The following RNPS1 variants were observed in gnomAD, a reference collection of about 807,000 sequenced individuals.
RNPS1 encodes RNA-binding protein with serine-rich domain 1.
For synonymous variants in RNPS1, 147 were observed against 150.0 expected (o/e 0.98, Z 0.15); for missense variants, 300 against 427.6 (o/e 0.70, Z 2.63).
At chr16:2,263,476 T>C (rs2093611821) in intron 3 of RNPS1, among the ~76,000 whole-genome samples, 189 bp from the exon 4 acceptor site, 1 of 152,168 alleles carries the variant, frequency 6.6e-6, no homozygotes, top group African/African-American at 2.4e-5. Context: ...GGTGTCACAT[T>C]GTGTGTGGGA....
intron 7 of RNPS1, among the ~76,000 whole-genome samples, chr16:2,254,893 C>G (rs1475441761): frequency 5.3e-5 from 8 of 151,932 alleles, no homozygotes; most frequent in African/African-American, 1.9e-4. Flanking sequence ...AGGCACCCAC[C>G]ACCACGCCCG....
At chr16:2,259,984 T>C (rs571311193) in intron 6 of RNPS1, among the ~76,000 whole-genome samples, 21 of 152,198 alleles carry the variant, frequency 1.4e-4, no homozygotes, top group Non-Finnish European at 2.4e-4. Context: ...TCTTTTTAAC[T>C]TTTTGCTTAA....
intron 1 of RNPS1, chr16:2,267,256 G>A (rs1011926168): frequency 2.0e-6 from 2 of 985,258 alleles, no homozygotes; most frequent in African/African-American, 3.5e-5. Flanking sequence ...AGAGAGAGGA[G>A]AGAACAATTA....
intron 6 of RNPS1, chr16:2,257,951 C>G (rs986212114): frequency 6.6e-6 from 1 of 152,274 alleles, no homozygotes; most frequent in South Asian, 2.1e-4. Flanking sequence ...CCAGCGGCCT[C>G]AGTCACAGCA....
chr16:2,260,089 G>A (rs1331201854), intron 6 of RNPS1, among the ~76,000 whole-genome samples: 3 of 140,246 alleles, frequency 2.1e-5, no homozygotes, highest in Non-Finnish European at 4.6e-5. Context: ...GAGCATATTT[G>A]TTTCTCTCTA....
At chr16:2,257,765 G>A (rs948726831) in intron 6 of RNPS1, 1 of 152,212 alleles carries the variant, frequency 6.6e-6, no homozygotes, top group Non-Finnish European at 1.5e-5. Flanking sequence ...AGAAAAGTTA[G>A]CCAAATATCA....
rs1295640729 is a variant in RNPS1, at chr16:2,262,942, TAAGG to T, written c.420-104_420-101del. On this transcript the variant is annotated intron_variant, in intron 4 of 7. Transcript: ENST00000320225. Reference sequence around the variant, plus strand: ...TTATCTGCTTGTGTGACAGTTTTCATAAGGAAGACTTTCCTGCTAGTTCACATAC... The same window carrying T: ...TTATCTGCTTGTGTGACAGTTTTCATAAGACTTTCCTGCTAGTTCACATAC... 10 of 1,313,120 alleles carry T rather than the reference TAAGG, an allele frequency of 7.6e-6. No individual in the cohort carries two copies. The East Asian group carries it at 2.3e-4, about 30-fold the overall frequency. 81.3% of individuals were successfully genotyped at this position (1,313,120 alleles called of 1,614,324 possible).
At chr16:2,255,776 A>G (rs764412641) in intron 6 of RNPS1, 50 bp from the exon 7 acceptor site, 1 of 1,581,952 alleles carries the variant, frequency 6.3e-7, no homozygotes, top group South Asian at 1.1e-5. Flanking sequence ...CATCTACCCT[A>G]GACAATGCAT....
Position 2,264,203 on chromosome 16 carries a change from C to A in RNPS1, c.200G>T (p.Ser67Ile), listed in dbSNP as rs201618697. ...RGRDKTRKRR[S>I]ASSGSSSTRS... ...GGTACTGCTGCTACCACTGGAAGCG[C>A]TGCGCCTCTTTCGGGTTTTGTCCCG... The change falls in exon 3 of 8, where the codon AGC becomes ATC. Residue 67 changes from serine (S) to isoleucine (I), a missense_variant. Physicochemically the swap from Ser to Ile is moderately radical, Grantham distance 142. Coordinates refer to ENST00000320225, the MANE Select transcript of RNPS1 (RefSeq NM_080594.4). The A allele has an allele frequency of 5.5e-5, 88 of 1,613,480 alleles. No homozygotes were observed. Among genetic ancestry groups the A allele is most frequent in the Non-Finnish European group, 6.9e-5 (82 of 1,180,046 alleles).
intron 3 of RNPS1, chr16:2,263,893 TC>T: frequency 2.7e-6 from 1 of 364,462 alleles, no homozygotes; most frequent in Non-Finnish European, 4.9e-6. Context: ...TACAAATTAC[TC>T]TTTTTTTTTT....
intron 1 of RNPS1, chr16:2,267,698 C>A: frequency 8.4e-7 from 1 of 1,192,538 alleles, no homozygotes; most frequent in Non-Finnish European, 1.0e-6. Context: ...GCGAGCGCTT[C>A]CAGGGCAGGG....
At position 2,268,062 on chromosome 16, in the gene RNPS1, C is replaced by T. The variant is rs771414964; in HGVS notation, c.-125G>A. 9.1e-6 allele frequency: 14 copies of T among 1,535,016 alleles called. No homozygotes were observed. In the East Asian group the frequency reaches 1.5e-4, roughly 16 times the overall value. Reference sequence around the variant, plus strand: ...GATTCCGCCCCAACTTACATCTTCCCGCCGCCGCCACCTCCTCCTGCTTTC... The same window carrying T: ...GATTCCGCCCCAACTTACATCTTCCTGCCGCCGCCACCTCCTCCTGCTTTC... On this transcript the variant is annotated 5_prime_UTR_variant, in exon 1 of 8. Coordinates refer to ENST00000320225, the MANE Select transcript of RNPS1 (RefSeq NM_080594.4).
intron 1 of RNPS1, chr16:2,267,854 C>T: frequency 6.6e-7 from 1 of 1,515,548 alleles, no homozygotes; most frequent in Non-Finnish European, 8.8e-7. Context: ...GCAGCGGCCC[C>T]GACCACTTCC....
chr16:2,262,099 T>G, intron 6 of RNPS1, 179 bp downstream of exon 6: 2 of 512,846 alleles, frequency 3.9e-6, no homozygotes, highest in East Asian at 3.1e-5. Context: ...TATTGGGCCA[T>G]GAGAAATAGC....
chr16:2,258,430 G>A (rs993592153), intron 6 of RNPS1: 1 of 152,194 alleles, frequency 6.6e-6, no homozygotes, highest in Non-Finnish European at 1.5e-5. Context: ...CACCCACTAA[G>A]AACTGGAATC....
Position 2,263,205 on chromosome 16 carries a change from T to C in RNPS1, c.310A>G (p.Ser104Gly). ...SSGSSSSSAS[S>G]RSGSSSTSRS... ...GAGGTGCTGGAGCTTCCTGAGCGGC[T>C]GGATGCTGAGGAAGAGCTGGAGCCA... The change falls in exon 4 of 8, where the codon AGC becomes GGC. Residue 104 changes from serine (S) to glycine (G), a missense_variant. Ser to Gly is a moderately conservative substitution (Grantham distance 56, BLOSUM62 0). Coordinates refer to ENST00000320225, the MANE Select transcript of RNPS1 (RefSeq NM_080594.4). 1 of 1,613,742 alleles carries C rather than the reference T, an allele frequency of 6.2e-7. No homozygotes were observed. Among genetic ancestry groups the C allele is most frequent in the Non-Finnish European group, 8.5e-7 (1 of 1,179,862 alleles).
rs547853615 is a variant in RNPS1 at position 2,255,803 on chromosome 16, G to A, written c.677-77C>T. 2.8e-4 allele frequency: 404 copies of A among 1,443,402 alleles called. 1 individual carries two copies. The Middle Eastern group carries it at 4.0e-3, about 14-fold the overall frequency. 89.4% of individuals were successfully genotyped at this position (1,443,402 alleles called of 1,614,324 possible). A position where few individuals can be genotyped will look rare whatever the true frequency, so the allele number is the denominator to read the frequency against. On this transcript the variant is annotated intron_variant, in intron 6 of 7. Coordinates refer to ENST00000320225, the MANE Select transcript of RNPS1 (RefSeq NM_080594.4). ...ACAATGCATGCCACAGTGAAAGACA[G>A]GCCTGGGGGGACAATGACAATGTAA...
chr16:2,259,039 C>T (rs2093590863), intron 6 of RNPS1, among the ~76,000 whole-genome samples: 1 of 149,788 alleles, frequency 6.7e-6, no homozygotes, highest in Non-Finnish European at 1.5e-5. Flanking sequence ...AGGAGAACTG[C>T]TTGAACCCAG....
chr16:2,254,280 C>T (rs1398924299), intron 7 of RNPS1, among the ~76,000 whole-genome samples: 5 of 152,174 alleles, frequency 3.3e-5, no homozygotes, highest in East Asian at 1.9e-4. Flanking sequence ...GGACTACAGG[C>T]GCGCGCCACC....
Sources: gnomAD v4.1 joint callset for allele counts (sites outside exome capture counted in the v4.1 genomes callset) on GRCh38, gnomAD v4.1.1 for gene constraint, MANE v1.5 for transcripts, NCBI Gene and HGNC (gene_info 2026-07-23, HGNC 2026-07-21) for gene names.